The following VSTM4 variants were observed in gnomAD, a reference collection of about 807,000 sequenced individuals.
VSTM4 encodes V-set and transmembrane domain-containing protein 4.
In VSTM4, 20 loss-of-function variants were observed where a neutral mutation model predicts 36.4. That is an observed-to-expected ratio of 0.55 (90% CI 0.39 to 0.80). The LOEUF is 0.80. Among genes scored for constraint, VSTM4 ranks in the 30% least tolerant of loss-of-function variants. The probability of loss-of-function intolerance (pLI) is 0.00; values close to 1 mark genes in which losing one functional copy is unlikely to be tolerated. For synonymous variants in VSTM4, 182 were observed against 173.9 expected (o/e 1.05, Z -0.37); for missense variants, 392 against 404.5 (o/e 0.97, Z 0.26).
intron 5 of VSTM4, among the ~76,000 whole-genome samples, chr10:49,049,241 T>C (rs961478638): frequency 4.6e-5 from 7 of 152,312 alleles, no homozygotes; most frequent in Middle Eastern, 3.4e-3. Context: ...TACTGCAGTA[T>C]CAGCTTCTTA....
chr10:49,023,059 T>C lies in VSTM4; in HGVS notation c.838-3284A>G, dbSNP rs148475472. 1.7e-3 allele frequency among the ~76,000 whole-genome samples: 261 copies of C among 152,320 alleles called. 1 individual carries two copies. Among genetic ancestry groups the C allele is most frequent in the African/African-American group, 5.8e-3 (241 of 41,564 alleles). Reference sequence around the variant, plus strand: ...AATAAAAACAAATAAAAGTAGTACTTTCATAAGTGGAAAAGGTACTTCAAT... The same window carrying C: ...AATAAAAACAAATAAAAGTAGTACTCTCATAAGTGGAAAAGGTACTTCAAT... On this transcript the variant is annotated intron_variant, in intron 7 of 7. Transcript: ENST00000332853.
At chr10:49,109,882 C>T (rs1844861099) in intron 1 of VSTM4, among the ~76,000 whole-genome samples, 1 of 152,252 alleles carries the variant, frequency 6.6e-6, no homozygotes, top group South Asian at 2.1e-4. Flanking sequence ...TGCATCTCGC[C>T]CACCTGGCAG....
Position 49,108,948 on chromosome 10 carries a change from C to T in VSTM4, c.56-953G>A, listed in dbSNP as rs74130478. Among the ~76,000 whole-genome samples, 1,208 of 152,268 alleles carry T rather than the reference C, an allele frequency of 7.9e-3. 10 individuals carry two copies. Among genetic ancestry groups the T allele is most frequent in the African/African-American group, 0.026 (1,090 of 41,544 alleles). On this transcript the variant is annotated intron_variant, in intron 1 of 7. Coordinates refer to ENST00000332853, the MANE Select transcript of VSTM4 (RefSeq NM_001031746.5). ...ATGGTGTACCCTGGACTGCCCAGTG[C>T]GACCAGGCTGCCCGGTGCTCACAGC...
rs776427121 is a variant in VSTM4, at chr10:49,018,828, G to T, written c.*822C>A. Reference sequence around the variant, plus strand: ...CACCTTCAGGGGCTGAATCAGAGGTGACTGAGCTTGGCACACAGTGAAGAG... The same window carrying T: ...CACCTTCAGGGGCTGAATCAGAGGTTACTGAGCTTGGCACACAGTGAAGAG... On this transcript the variant is annotated 3_prime_UTR_variant, in exon 8 of 8. Transcript: ENST00000332853. 1 of 152,252 alleles carries T rather than the reference G, an allele frequency of 6.6e-6. No individual in the cohort carries two copies. Among genetic ancestry groups the T allele is most frequent in the African/African-American group, 2.4e-5 (1 of 41,466 alleles). 9.4% of individuals were successfully genotyped at this position (152,252 alleles called of 1,614,324 possible). A position where few individuals can be genotyped will look rare whatever the true frequency, so the allele number is the denominator to read the frequency against.
intron 3 of VSTM4, among the ~76,000 whole-genome samples, chr10:49,078,991 C>T (rs1844230590): frequency 6.6e-6 from 1 of 152,014 alleles, no homozygotes; most frequent in Non-Finnish European, 1.5e-5. Context: ...GCCGCCACAC[C>T]CAGCTAATTT....
At chr10:49,022,983 T>C (rs1352749626) in intron 7 of VSTM4, among the ~76,000 whole-genome samples, 1 of 152,170 alleles carries the variant, frequency 6.6e-6, no homozygotes, top group Non-Finnish European at 1.5e-5. Context: ...ATAGTAAACA[T>C]AATTTAATAA....
rs1222703778 is a variant in VSTM4, at chr10:49,103,959, T to C, written c.457+3635A>G. ...ACCCCCAAGAGCTCCTGTTTGATAT[T>C]CTAACCCAAAGGTACGGACCACAGA... On this transcript the variant is annotated intron_variant, in intron 2 of 7. Transcript: ENST00000332853. 13 of 997,450 alleles carry C rather than the reference T, an allele frequency of 1.3e-5. No individual in the cohort carries two copies. In the Admixed American group the frequency reaches 2.9e-4, roughly 22 times the overall value. The allele number at this position is 997,450 out of a possible 1,614,324, so 61.8% of individuals were successfully genotyped here.
At chr10:49,081,442 T>C (rs1196566888) in intron 3 of VSTM4, among the ~76,000 whole-genome samples, 1 of 152,260 alleles carries the variant, frequency 6.6e-6, no homozygotes, top group Non-Finnish European at 1.5e-5. Flanking sequence ...CCTCTTCATC[T>C]GAGCTCTTTC....
At chr10:49,112,953 G>A (rs1844924199) in intron 1 of VSTM4, among the ~76,000 whole-genome samples, 1 of 152,194 alleles carries the variant, frequency 6.6e-6, no homozygotes, top group Admixed American at 6.5e-5. Context: ...ATTGTGAAGT[G>A]GGAGATGGCC....
chr10:49,048,898 G>A (rs17011698), intron 5 of VSTM4, among the ~76,000 whole-genome samples: 1 of 152,188 alleles, frequency 6.6e-6, no homozygotes, highest in East Asian at 1.9e-4. Flanking sequence ...GCCTAGGGAT[G>A]CATGGGTTGA....
chr10:49,103,934 A>AC, intron 2 of VSTM4: 1 of 1,253,878 alleles, frequency 8.0e-7, no homozygotes, highest in Non-Finnish European at 1.1e-6. Flanking sequence ...GGGCACTCAA[A>AC]CCCCCAAGAG....
intron 4 of VSTM4, among the ~76,000 whole-genome samples, chr10:49,070,098 A>C (rs1163114222): frequency 8.7e-6 from 1 of 114,532 alleles, no homozygotes; most frequent in South Asian, 2.7e-4. Context: ...TAAAAATACA[A>C]AAAAATCAGC....
chr10:49,021,323 A>C (rs933845911), intron 7 of VSTM4, among the ~76,000 whole-genome samples: 3 of 152,182 alleles, frequency 2.0e-5, no homozygotes, highest in Non-Finnish European at 2.9e-5. Flanking sequence ...GGAGTTTTTT[A>C]AAAATAGCCT....
intron 5 of VSTM4, among the ~76,000 whole-genome samples, chr10:49,050,179 T>C (rs1309692646): frequency 6.6e-6 from 1 of 152,188 alleles, no homozygotes; most frequent in African/African-American, 2.4e-5. Flanking sequence ...AGCTAGGTGT[T>C]GGACAATGTA....
chr10:49,067,877 G>A (rs1413010972), intron 4 of VSTM4, among the ~76,000 whole-genome samples: 2 of 152,058 alleles, frequency 1.3e-5, no homozygotes, highest in African/African-American at 4.8e-5. Flanking sequence ...CAAGGATACC[G>A]AAATCCGAAG....
chr10:49,104,436 G>C (rs935763462), intron 2 of VSTM4, among the ~76,000 whole-genome samples: 7 of 152,226 alleles, frequency 4.6e-5, no homozygotes, highest in Non-Finnish European at 4.4e-5. Context: ...GCCCTGCCCA[G>C]GAAGAACAGG....
At chr10:49,084,270 C>T (rs1844331650) in intron 3 of VSTM4, among the ~76,000 whole-genome samples, 1 of 152,076 alleles carries the variant, frequency 6.6e-6, no homozygotes, top group Non-Finnish European at 1.5e-5. Flanking sequence ...AGGAGGCAGT[C>T]ATCAAATAAA....
chr10:49,062,873 C>A (rs1251144720), intron 5 of VSTM4, among the ~76,000 whole-genome samples: 1 of 152,104 alleles, frequency 6.6e-6, no homozygotes, highest in Admixed American at 6.5e-5. Flanking sequence ...ACTGACATCT[C>A]CACTCTCCTA....
At chr10:49,086,050 G>T in intron 2 of VSTM4, 27 bp from the exon 3 acceptor site, 1 of 1,507,004 alleles carries the variant, frequency 6.6e-7, no homozygotes, top group Non-Finnish European at 9.0e-7. Context: ...AAACAGCACA[G>T]TATGAAAAAA....
Sources: gnomAD v4.1 joint callset for allele counts (sites outside exome capture counted in the v4.1 genomes callset) on GRCh38, gnomAD v4.1.1 for gene constraint, MANE v1.5 for transcripts, NCBI Gene and HGNC (gene_info 2026-07-23, HGNC 2026-07-21) for gene names.